The following SMOC1 variants were observed in gnomAD, a reference collection of about 807,000 sequenced individuals.
SMOC1 encodes SPARC related modular calcium binding 1.
SMOC1 carries 22 observed loss-of-function variants against 56.3 expected under a neutral mutation model. The ratio of observed to expected loss-of-function variants is 0.39; its 90% CI spans 0.28 to 0.56. The LOEUF (loss-of-function observed/expected upper bound fraction) is 0.56, where lower values mean the gene tolerates loss of function less well. Among genes scored for constraint, SMOC1 ranks in the 20% least tolerant of loss-of-function variants. SMOC1 has a pLI of 0.61. For synonymous variants in SMOC1, 193 were observed against 215.0 expected (o/e 0.90, Z 0.89); for missense variants, 509 against 565.4 (o/e 0.90, Z 1.01).
chr14:69,972,822 T>C (rs939958407), intron 3 of SMOC1, among the ~76,000 whole-genome samples: 14 of 152,240 alleles, frequency 9.2e-5, no homozygotes, highest in Non-Finnish European at 1.8e-4. Flanking sequence ...TGGCACTCTG[T>C]GCATGCTTGA....
At chr14:69,923,868 G>A (rs1884918914) in intron 1 of SMOC1, among the ~76,000 whole-genome samples, 1 of 152,206 alleles carries the variant, frequency 6.6e-6, no homozygotes, top group South Asian at 2.1e-4. Context: ...TGTGGTGCCT[G>A]GCAATGTCCT....
At chr14:69,916,653 T>C (rs1402684427) in intron 1 of SMOC1, among the ~76,000 whole-genome samples, 4 of 152,258 alleles carry the variant, frequency 2.6e-5, no homozygotes, top group Non-Finnish European at 5.9e-5. Flanking sequence ...CTGTGTGGAA[T>C]GTTCTCTCCC....
chr14:69,949,002 G>A (rs909419404), intron 1 of SMOC1, among the ~76,000 whole-genome samples: 2 of 152,166 alleles, frequency 1.3e-5, no homozygotes, highest in African/African-American at 4.8e-5. Context: ...CTGCAAAAAG[G>A]ACTTCACAAA....
chr14:69,886,573 C>A (rs17107383), intron 1 of SMOC1, among the ~76,000 whole-genome samples: 1 of 152,150 alleles, frequency 6.6e-6, no homozygotes. Context: ...ACTCAACATG[C>A]GAATTTGAAT....
At chr14:69,892,835 A>G (rs989913564) in intron 1 of SMOC1, among the ~76,000 whole-genome samples, 9 of 152,244 alleles carry the variant, frequency 5.9e-5, no homozygotes, top group Non-Finnish European at 7.3e-5. Context: ...AATATTAGCA[A>G]TAATTCTGTA....
chr14:69,945,762 G>A (rs756096708), intron 1 of SMOC1, among the ~76,000 whole-genome samples: 6 of 152,198 alleles, frequency 3.9e-5, no homozygotes, highest in Non-Finnish European at 8.8e-5. Context: ...TTTGGCCTGT[G>A]ATTTTTGAGT....
intron 3 of SMOC1, among the ~76,000 whole-genome samples, chr14:69,968,333 G>A (rs1439555309): frequency 6.6e-6 from 1 of 152,148 alleles, no homozygotes; most frequent in East Asian, 1.9e-4. Context: ...TGTGGGTGAG[G>A]CCCAGCAATG....
At chr14:69,885,641 A>G (rs1016033623) in intron 1 of SMOC1, 9 of 1,458,676 alleles carry the variant, frequency 6.2e-6, no homozygotes, top group African/African-American at 5.6e-5. Flanking sequence ...CAAGAAGACA[A>G]CCAGCTCGAT....
At chr14:70,003,500 G>A (rs1006125092) in intron 7 of SMOC1, among the ~76,000 whole-genome samples, 1 of 152,174 alleles carries the variant, frequency 6.6e-6, no homozygotes, top group Non-Finnish European at 1.5e-5. Flanking sequence ...CATCTCTGAA[G>A]TGTCAGACTA....
intron 1 of SMOC1, among the ~76,000 whole-genome samples, chr14:69,888,104 T>C (rs1416076411): frequency 6.6e-6 from 1 of 152,096 alleles, no homozygotes; most frequent in East Asian, 1.9e-4. Flanking sequence ...TCCTTCCATG[T>C]TTGGGGAGGA....
intron 3 of SMOC1, among the ~76,000 whole-genome samples, chr14:69,956,162 T>C (rs918927562): frequency 6.6e-6 from 1 of 152,210 alleles, no homozygotes; most frequent in Non-Finnish European, 1.5e-5. Flanking sequence ...GCAAGAGTTA[T>C]GTAGATAGTC....
intron 1 of SMOC1, among the ~76,000 whole-genome samples, chr14:69,897,655 G>A (rs4899322): frequency 0.79 from 119,879 of 151,966 alleles, 50,184 homozygotes; most frequent in East Asian, 0.94. Context: ...AAGTAACACT[G>A]TACTACTTCA....
At chr14:69,891,154 A>G (rs1221820593) in intron 1 of SMOC1, among the ~76,000 whole-genome samples, 1 of 152,246 alleles carries the variant, frequency 6.6e-6, no homozygotes, top group Non-Finnish European at 1.5e-5. Flanking sequence ...GGTTGAAAGC[A>G]TGCAAAAGCT....
intron 1 of SMOC1, among the ~76,000 whole-genome samples, chr14:69,926,782 G>T (rs1885024215): frequency 1.3e-5 from 2 of 152,228 alleles, no homozygotes; most frequent in Admixed American, 1.3e-4. Flanking sequence ...ATTGGGTGTG[G>T]AATGGTGAAA....
chr14:69,922,505 G>A (rs1183412488), intron 1 of SMOC1, among the ~76,000 whole-genome samples: 2 of 152,184 alleles, frequency 1.3e-5, no homozygotes, highest in African/African-American at 2.4e-5. Flanking sequence ...TTGCTGTCCG[G>A]TGTAATGTGT....
At chr14:69,978,682 G>A (rs915821663) in intron 5 of SMOC1, among the ~76,000 whole-genome samples, 5 of 152,036 alleles carry the variant, frequency 3.3e-5, no homozygotes, top group African/African-American at 1.2e-4. Context: ...AAATAACACC[G>A]TGACAAGGTA....
At chr14:69,919,533 G>C (rs912863821) in intron 1 of SMOC1, among the ~76,000 whole-genome samples, 1 of 152,242 alleles carries the variant, frequency 6.6e-6, no homozygotes, top group Non-Finnish European at 1.5e-5. Flanking sequence ...TAACACATCT[G>C]TGATGATTTT....
At chr14:70,030,112 G>A (rs995702612) in intron 11 of SMOC1, 130 bp from the exon 12 acceptor site, 8 of 1,381,896 alleles carry the variant, frequency 5.8e-6, no homozygotes, top group Non-Finnish European at 7.0e-6. Context: ...GACAGCAGGT[G>A]GAAAAGGCTG....
At chr14:69,972,704 TG>T (rs1883812059) in intron 3 of SMOC1, among the ~76,000 whole-genome samples, 1 of 152,220 alleles carries the variant, frequency 6.6e-6, no homozygotes, top group African/African-American at 2.4e-5. Context: ...AGTGAGAATG[TG>T]GCCCTTGGGA....
Sources: allele counts gnomAD v4.1 joint callset (sites outside exome capture counted in the v4.1 genomes callset), GRCh38; gene constraint gnomAD v4.1.1; transcripts MANE v1.5; gene names NCBI Gene and HGNC (gene_info 2026-07-23, HGNC 2026-07-21).